The following SRPRB variants were observed in gnomAD, a reference collection of about 807,000 sequenced individuals.
SRPRB encodes signal recognition particle receptor subunit beta.
In SRPRB, 20 loss-of-function variants were observed where a neutral mutation model predicts 31.9. That is an observed-to-expected ratio of 0.63 (90% CI 0.44 to 0.91). The LOEUF (loss-of-function observed/expected upper bound fraction) is 0.91. Ranked by LOEUF, SRPRB falls within the 40% of genes least tolerant of loss-of-function variation. The pLI, the probability that SRPRB is intolerant of heterozygous loss-of-function variation, is 0.00. For synonymous variants in SRPRB, 146 were observed against 132.8 expected (o/e 1.10, Z -0.68); for missense variants, 321 against 324.9 (o/e 0.99, Z 0.09).
At position 133,815,639 on chromosome 3, in the gene SRPRB, G is replaced by A; in HGVS notation, c.460G>A (p.Asp154Asn). The part of the protein sequence containing the change: ...DSAAFQREVK[D>N]VAEFLYQVLI... ...TGCAGCATTCCAGCGAGAGGTGAAA[G>A]ATGTGGCTGAGTTTCTGTATCAAGT... Residue 154 changes from aspartate (D) to asparagine (N), a missense_variant, in exon 5 of 7, where the codon GAT becomes AAT. Transcript: ENST00000678299. The A allele has an allele frequency of 1.2e-6, 2 of 1,614,016 alleles. No individual in the cohort carries two copies. Among genetic ancestry groups the A allele is most frequent in the East Asian group, 2.2e-5 (1 of 44,866 alleles).
Position 133,820,528 on chromosome 3 carries a change from TCCTGGG to T in SRPRB, c.*765_*770del, listed in dbSNP as rs1337372575. ...TCTGCTGCTCTGGATGGCTGAAGGC[TCCTGGG>T]CCATCTTCATGTGCTGCTTGAAGAG... On this transcript the variant is annotated 3_prime_UTR_variant, in exon 7 of 7. Coordinates refer to ENST00000678299, the MANE Select transcript of SRPRB (RefSeq NM_001379313.1). 1 of 152,236 alleles carries T rather than the reference TCCTGGG, an allele frequency of 6.6e-6. No individual in the cohort carries two copies. Among genetic ancestry groups the T allele is most frequent in the Admixed American group, 6.5e-5 (1 of 15,276 alleles). The allele number at this position is 152,236 out of a possible 1,614,324, so 9.4% of individuals were successfully genotyped here.
upstream of SRPRB, among the ~76,000 whole-genome samples, chr3:133,803,419 T>C (rs894929139): frequency 6.6e-6 from 1 of 152,222 alleles, no homozygotes; most frequent in African/African-American, 2.4e-5. Flanking sequence ...AAATTACTGC[T>C]CTAATCAATT....
rs1461577257 is a variant in SRPRB, at chr3:133,820,976, T to G, written c.*1210T>G. The G allele has an allele frequency of 2.0e-5, 3 of 152,296 alleles. No individual in the cohort carries two copies. Among genetic ancestry groups the G allele is most frequent in the Admixed American group, 6.5e-5 (1 of 15,284 alleles). 9.4% of individuals were successfully genotyped at this position (152,296 alleles called of 1,614,324 possible). A position where few individuals can be genotyped will look rare whatever the true frequency, so the allele number is the denominator to read the frequency against. Reference sequence around the variant, plus strand: ...AGGGGAGAAGCCAGTTATGGAACAGTGCATTGAGAGCCATGGTAGGAGAGG... The same window carrying G: ...AGGGGAGAAGCCAGTTATGGAACAGGGCATTGAGAGCCATGGTAGGAGAGG... On this transcript the variant is annotated 3_prime_UTR_variant, in exon 7 of 7. Transcript: ENST00000678299.
rs911843270 is a variant in SRPRB, at chr3:133,821,133, G to A, written c.*1367G>A. On this transcript the variant is annotated 3_prime_UTR_variant, in exon 7 of 7. Coordinates refer to ENST00000678299, the MANE Select transcript of SRPRB (RefSeq NM_001379313.1). ...CCTCCATGTATGGCCTCTGCCTGCT[G>A]TCTCACATGTCCCTTCTGGTGGTCA... 3.3e-5 allele frequency: 5 copies of A among 152,272 alleles called. No homozygotes were observed. The highest frequency in any genetic ancestry group is 7.3e-5 in the Non-Finnish European group (5 of 68,096). The allele number at this position is 152,272 out of a possible 1,614,324, so 9.4% of individuals were successfully genotyped here. A position where few individuals can be genotyped will look rare whatever the true frequency, so the allele number is the denominator to read the frequency against.
At chr3:133,818,018 G>A (rs1935396127) in intron 6 of SRPRB, among the ~76,000 whole-genome samples, 1 of 152,182 alleles carries the variant, frequency 6.6e-6, no homozygotes, top group Non-Finnish European at 1.5e-5. Context: ...TGCCAGCCCT[G>A]CCTATGCCAT....
downstream of SRPRB, chr3:133,828,187 G>C: frequency 1.7e-6 from 1 of 582,938 alleles, no homozygotes; most frequent in Non-Finnish European, 3.1e-6. Flanking sequence ...ACCCACTCTG[G>C]CCATGGAAAG....
At chr3:133,786,234 A>AAAAC (rs1553742160) in intron 1 of SRPRB, 8 of 77,354 alleles carry the variant, frequency 1.0e-4, no homozygotes, top group African/African-American at 2.4e-4. Flanking sequence ...AAAAAAAAAA[A>AAAAC]AAAAAACAAT....
At chr3:133,791,662 A>T (rs1301313051) in intron 1 of SRPRB, 1 of 152,084 alleles carries the variant, frequency 6.6e-6, no homozygotes, top group Non-Finnish European at 1.5e-5. Flanking sequence ...TGTGCTTAGG[A>T]CCCCATAGAC....
At chr3:133,811,267 T>A in intron 4 of SRPRB, 68 bp downstream of exon 4, 1 of 1,529,608 alleles carries the variant, frequency 6.5e-7, no homozygotes, top group South Asian at 1.1e-5. Flanking sequence ...ACTCATGTGA[T>A]TTGCTCTGGT....
At chr3:133,803,721 G>A (rs988630458), upstream of SRPRB, among the ~76,000 whole-genome samples, 1 of 150,732 alleles carries the variant, frequency 6.6e-6, no homozygotes, top group Non-Finnish European at 1.5e-5. Context: ...CTGGAGTGCA[G>A]TGGCATGTGA....
At chr3:133,827,812 C>A, downstream of SRPRB, 1 of 435,582 alleles carries the variant, frequency 2.3e-6, no homozygotes, top group South Asian at 1.7e-5. Context: ...TCCCTGACAT[C>A]CAGGAGGAAG....
chr3:133,808,626 C>A (rs1349013750), intron 3 of SRPRB, among the ~76,000 whole-genome samples: 1 of 152,168 alleles, frequency 6.6e-6, no homozygotes, highest in East Asian at 1.9e-4. Context: ...CTTGGTGGCT[C>A]ACGCCTGTAA....
At chr3:133,784,528 A>T (rs994122984) in intron 1 of SRPRB, 1 of 151,656 alleles carries the variant, frequency 6.6e-6, no homozygotes, top group Non-Finnish European at 1.5e-5. Context: ...TGGCTTCTGG[A>T]GATGACTTTT....
At chr3:133,826,857 A>AGAAAC (rs1298774089), downstream of SRPRB, 2 of 152,714 alleles carry the variant, frequency 1.3e-5, no homozygotes, top group East Asian at 3.8e-4. Context: ...TGAGAGCAGG[A>AGAAAC]GAAACAAGAA....
chr3:133,789,867 G>C (rs375171613), intron 1 of SRPRB: 7 of 128,724 alleles, frequency 5.4e-5, no homozygotes, highest in Non-Finnish European at 1.1e-4. Context: ...AAAACAAAAC[G>C]ATCTCGTTTG....
intron 1 of SRPRB, chr3:133,788,255 A>G (rs750772191): frequency 2.0e-5 from 3 of 152,242 alleles, no homozygotes; most frequent in Non-Finnish European, 4.4e-5. Context: ...CATAGGGCGT[A>G]CATCAAGTAA....
chr3:133,812,889 A>C (rs749914224), intron 4 of SRPRB, among the ~76,000 whole-genome samples: 8 of 151,872 alleles, frequency 5.3e-5, no homozygotes, highest in Non-Finnish European at 1.2e-4. Context: ...TTTGCTCCCC[A>C]TTGCTTCTTG....
At chr3:133,824,638 T>A (rs1207380507), downstream of SRPRB, 1 of 152,110 alleles carries the variant, frequency 6.6e-6, no homozygotes, top group Non-Finnish European at 1.5e-5. Context: ...CAAACAAAAA[T>A]TCAAAGGGTG....
At chr3:133,823,589 G>GGACTT (rs2107979723), downstream of SRPRB, among the ~76,000 whole-genome samples, 1 of 152,272 alleles carries the variant, frequency 6.6e-6, no homozygotes, top group Admixed American at 6.5e-5. Context: ...TAGTGAAGTT[G>GGACTT]GACTTGAAGA....
Sources: allele counts gnomAD v4.1 joint callset (sites outside exome capture counted in the v4.1 genomes callset), GRCh38; gene constraint gnomAD v4.1.1; transcripts MANE v1.5; gene names NCBI Gene and HGNC (gene_info 2026-07-23, HGNC 2026-07-21).